Variants in IGSF9 observed in about 807,000 individuals in gnomAD.
IGSF9 encodes immunoglobulin superfamily member 9.
In IGSF9, 87 loss-of-function variants were observed where a neutral mutation model predicts 121.7. The observed-to-expected ratio is 0.71, with a 90% confidence interval of 0.60 to 0.85. The LOEUF (loss-of-function observed/expected upper bound fraction) is 0.85, where lower values mean the gene tolerates loss of function less well. IGSF9 is among the 40% of genes least tolerant of loss of function. The probability of loss-of-function intolerance (pLI) is 0.00; values close to 1 mark genes in which losing one functional copy is unlikely to be tolerated. For synonymous variants in IGSF9, 640 were observed against 648.4 expected (o/e 0.99, Z 0.20); for missense variants, 1,462 against 1,565.3 (o/e 0.93, Z 1.11).
rs1650759694 is a variant in IGSF9 at position 159,927,095 on chromosome 1, CACAGAGAGAGAGAGAGAGAG to C, written c.*230_*249del. 2.3e-6 allele frequency: 1 copy of C among 431,588 alleles called. No individual in the cohort carries two copies. Among genetic ancestry groups the C allele is most frequent in the Non-Finnish European group, 4.1e-6 (1 of 241,588 alleles). The allele number at this position is 431,588 out of a possible 1,614,324, so 26.7% of individuals were successfully genotyped here. ...AAAACTTCACACACACACACACACA[CACAGAGAGAGAGAGAGAGAG>C]AGAGAGAGAGAGAGAGGCAGACCTA... is the stretch of plus-strand genomic sequence containing the variant. On this transcript the variant is annotated 3_prime_UTR_variant, in exon 21 of 21. Transcript: ENST00000368094.
In IGSF9 at chr1:159,928,898, G is replaced by C. The variant is rs1430110326; in HGVS notation, c.2490C>G (p.His830Gln). 5 of 1,595,092 alleles carry C rather than the reference G, an allele frequency of 3.1e-6. No individual in the cohort carries two copies. Among genetic ancestry groups the C allele is most frequent in the Non-Finnish European group, 4.3e-6 (5 of 1,171,464 alleles). The change falls in exon 19 of 21, where the codon CAC becomes CAG. Residue 830 changes from histidine (H) to glutamine (Q), a missense_variant. Around this residue, in one of 3 missense-constraint regions of IGSF9, gnomAD observed 808 missense variants for 815.2 expected, o/e 0.99. Transcript: ENST00000368094. ...GTCCCCGGCTAGATGGAGGATCCGG[G>C]TGGGGGCTGGGAGTTCCGGCAGGAT... ...WGDPAGTPSP[H>Q]PDPPSSRGPL...
chr1:159,936,311 T>C, intron 6 of IGSF9, 88 bp downstream of exon 6: 3 of 1,180,636 alleles, frequency 2.5e-6, no homozygotes, highest in Non-Finnish European at 3.8e-6. Context: ...CAAATCTCCC[T>C]CCTATCTTGC....
chr1:159,930,614 G>C, intron 14 of IGSF9, 78 bp downstream of exon 14: 3 of 1,589,120 alleles, frequency 1.9e-6, no homozygotes, highest in Admixed American at 3.5e-5. Context: ...TTCCCACCCA[G>C]GGCCTCCCAT....
At chr1:159,933,497 T>A (rs932733293) in intron 9 of IGSF9, 2 of 152,506 alleles carry the variant, frequency 1.3e-5, no homozygotes, top group Admixed American at 1.3e-4. Flanking sequence ...TAACTTGGCA[T>A]CCAGTTCTTC....
intron 14 of IGSF9, 43 bp from the exon 15 acceptor site, chr1:159,930,482 G>A (rs1361488965): frequency 2.0e-6 from 3 of 1,516,886 alleles, no homozygotes; most frequent in South Asian, 2.6e-5. Flanking sequence ...GATTCCCAGC[G>A]CCCCTCCCCT....
chr1:159,941,080 CGTTGATAAATCCA>C (rs1553227783), intron 3 of IGSF9, among the ~76,000 whole-genome samples: 3 of 151,538 alleles, frequency 2.0e-5, no homozygotes, highest in Non-Finnish European at 4.4e-5. Context: ...TCCATGGCAT[CGTTGATAAATCCA>C]GTCTCCTCTA....
chr1:159,941,203 C>T (rs1200687379), intron 3 of IGSF9, among the ~76,000 whole-genome samples: 1 of 152,200 alleles, frequency 6.6e-6, no homozygotes, highest in Admixed American at 6.5e-5. Flanking sequence ...TCTAGGCCAC[C>T]AGCCCCACAA....
At chr1:159,927,595 G>A in intron 20 of IGSF9, 69 bp from the exon 21 acceptor site, 1 of 1,565,982 alleles carries the variant, frequency 6.4e-7, no homozygotes, top group East Asian at 2.2e-5. Context: ...CAGATGTGAA[G>A]CTCGCTAGGC....
chr1:159,927,950 A>G, intron 19 of IGSF9, 63 bp from the exon 20 acceptor site: 1 of 1,573,160 alleles, frequency 6.4e-7, no homozygotes, highest in Non-Finnish European at 8.6e-7. Flanking sequence ...CTGTTCAGAA[A>G]AGTCTGAATT....
In IGSF9 at chr1:159,929,158, G is replaced by T; in HGVS notation, c.2370-140C>A. On this transcript the variant is annotated intron_variant, in intron 18 of 20. Transcript: ENST00000368094. ...GAGGAAAGGACCAACAAGGTGGAGG[G>T]GTGGAGGGAAGGCACAGGCCATACT... 7 of 1,334,864 alleles carry T rather than the reference G, an allele frequency of 5.2e-6. No homozygotes were observed. In the South Asian group the frequency reaches 9.2e-5, roughly 18 times the overall value. The allele number at this position is 1,334,864 out of a possible 1,614,324, so 82.7% of individuals were successfully genotyped here.
intron 1 of IGSF9, among the ~76,000 whole-genome samples, chr1:159,944,618 G>A (rs958919471): frequency 1.3e-5 from 2 of 152,136 alleles, no homozygotes; most frequent in Non-Finnish European, 2.9e-5. Context: ...TTAACCCTGG[G>A]GCATGGAGGG....
chr1:159,930,108 G>A (rs1650936142), intron 15 of IGSF9, 81 bp downstream of exon 15: 2 of 1,549,328 alleles, frequency 1.3e-6, no homozygotes, highest in Non-Finnish European at 8.7e-7. Flanking sequence ...AAATCAAGAT[G>A]AGAAGATAGA....
At position 159,928,611 on chromosome 1, in the gene IGSF9, T is replaced by C. The variant is rs1650842248; in HGVS notation, c.2777A>G (p.Tyr926Cys). The change falls in exon 19 of 21, where the codon TAC becomes TGC. Residue 926 changes from tyrosine (Y) to cysteine (C), a missense_variant. By Grantham distance (194) the Tyr-to-Cys change is radical (BLOSUM62 -2). Coordinates refer to ENST00000368094, the MANE Select transcript of IGSF9 (RefSeq NM_001135050.2). ...PLPGPGPLLQ[Y>C]LSLPFFREMN... The stretch of plus-strand genomic sequence containing the variant: ...CTCTCGGAAGAAGGGCAGGCTCAGG[T>C]ACTGGAGCAGGGGTCCAGGACCTGG... The C allele has an allele frequency of 6.7e-7, 1 of 1,497,368 alleles. No individual in the cohort carries two copies. The allele number at this position is 1,497,368 out of a possible 1,614,324, so 92.8% of individuals were successfully genotyped here. A position where few individuals can be genotyped will look rare whatever the true frequency, so the allele number is the denominator to read the frequency against.
Position 159,932,259 on chromosome 1 carries a change from TAG to T in IGSF9, c.1245+251_1245+252del. On this transcript the variant is annotated intron_variant, in intron 10 of 20. Transcript: ENST00000368094. This position sits in a 1 kb window ranked among gnomAD's most constrained non-coding sequence, Gnocchi z 4.1. ...GAGAGGGAGGCAGCACGGTCAAGGT[TAG>T]TGAGAGTTGGGGCAAACAGGATATC... is the stretch of plus-strand genomic sequence containing the variant. 1 of 584,070 alleles carries T rather than the reference TAG, an allele frequency of 1.7e-6. No individual in the cohort carries two copies. The highest frequency in any genetic ancestry group is 1.9e-5 in the African/African-American group (1 of 53,286). The allele number at this position is 584,070 out of a possible 1,614,324, so 36.2% of individuals were successfully genotyped here.
At chr1:159,929,305 G>A (rs773054703) in intron 18 of IGSF9, 46 bp downstream of exon 18, 5 of 1,595,178 alleles carry the variant, frequency 3.1e-6, no homozygotes, top group South Asian at 2.2e-5. Flanking sequence ...ATACTGGCAC[G>A]TACAATGGAA....
chr1:159,942,825 T>G lies in IGSF9; in HGVS notation c.247+138A>C, dbSNP rs536063937. 1.9e-4 allele frequency: 127 copies of G among 669,788 alleles called. 1 individual carries two copies. The African/African-American group carries it at 2.2e-3, about 11-fold the overall frequency. The allele number at this position is 669,788 out of a possible 1,614,324, so 41.5% of individuals were successfully genotyped here. A position where few individuals can be genotyped will look rare whatever the true frequency, so the allele number is the denominator to read the frequency against. On this transcript the variant is annotated intron_variant, in intron 3 of 20. Transcript: ENST00000368094. ...TGCTTGGGAGCACAGCCATGCTTAT[T>G]AAGCAGAGTTAAGGCAGCAGAGCTG... is the stretch of plus-strand genomic sequence containing the variant.
At chr1:159,938,461 A>G (rs1427791620) in intron 3 of IGSF9, among the ~76,000 whole-genome samples, 1 of 152,164 alleles carries the variant, frequency 6.6e-6, no homozygotes, top group East Asian at 1.9e-4. Context: ...CAGCTGGCTG[A>G]TCACATACAC....
At chr1:159,944,699 GC>G (rs1651528384) in intron 1 of IGSF9, among the ~76,000 whole-genome samples, 1 of 152,122 alleles carries the variant, frequency 6.6e-6, no homozygotes, top group Non-Finnish European at 1.5e-5. Flanking sequence ...CCAGGGCCTG[GC>G]ACTGCCAAGT....
At chr1:159,937,005 G>T in intron 4 of IGSF9, 97 bp from the exon 5 acceptor site, 1 of 1,252,658 alleles carries the variant, frequency 8.0e-7, no homozygotes, top group Non-Finnish European at 1.1e-6. Flanking sequence ...CCAGCCTGCT[G>T]CCCACCCACC....
Sources: gnomAD v4.1 joint callset for allele counts (sites outside exome capture counted in the v4.1 genomes callset) on GRCh38, gnomAD v4.1.1 for gene constraint, gnomAD v4.1.1 regional missense constraint, Gnocchi (gnomAD v3.1) non-coding constraint, MANE v1.5 for transcripts, NCBI Gene and HGNC (gene_info 2026-07-23, HGNC 2026-07-21) for gene names.